Variants in LINGO2 observed in about 807,000 individuals in gnomAD.
The protein encoded by LINGO2 is leucine rich repeat and Ig domain containing 2, also known as leucine-rich repeat and immunoglobulin-like domain-containing nogo receptor-interacting protein 2.
A neutral mutation model predicts 30.6 loss-of-function variants in LINGO2; 14 were observed. That is an observed-to-expected ratio of 0.46 (90% CI 0.30 to 0.72). LINGO2 has a LOEUF of 0.72. Ranked by LOEUF, LINGO2 falls within the 30% of genes least tolerant of loss-of-function variation. The pLI is 0.07. For missense variants in LINGO2, 729 were observed against 751.7 expected (o/e 0.97, Z 0.35); for synonymous variants, 317 against 288.5 (o/e 1.10, Z -1.00).
At chr9:28,938,443 T>C in the LINGO2 span, among the ~76,000 whole-genome samples, 3 of 152,208 alleles carry the variant, frequency 2.0e-5, no homozygotes, top group Non-Finnish European at 4.4e-5. Flanking sequence ...AGTATTATAG[T>C]ATATACTACA....
chr9:28,412,102 C>G (rs1285321127), intron 2 of LINGO2, among the ~76,000 whole-genome samples: 1 of 150,642 alleles, frequency 6.6e-6, no homozygotes, highest in African/African-American at 2.4e-5. Context: ...TTCTCCCTCC[C>G]CTCTTCTGAT....
chr9:28,845,899 T>C, the LINGO2 span, among the ~76,000 whole-genome samples: 3 of 151,660 alleles, frequency 2.0e-5, no homozygotes, highest in Non-Finnish European at 4.4e-5. Context: ...TCAGAGACAA[T>C]GTCCCATTGG....
At chr9:28,674,672 A>T (rs1829150324), upstream of LINGO2, among the ~76,000 whole-genome samples, 1 of 152,190 alleles carries the variant, frequency 6.6e-6, no homozygotes, top group Non-Finnish European at 1.5e-5. Flanking sequence ...AAGGAAATGA[A>T]TCCTCTAATT....
At chr9:28,493,201 C>A (rs2135275670) in intron 1 of LINGO2, among the ~76,000 whole-genome samples, 1 of 152,160 alleles carries the variant, frequency 6.6e-6, no homozygotes, top group South Asian at 2.1e-4. Context: ...CAAAGTGTTT[C>A]TCCTTATGAG....
At chr9:28,124,670 C>T (rs1316094831) in intron 4 of LINGO2, among the ~76,000 whole-genome samples, 1 of 152,196 alleles carries the variant, frequency 6.6e-6, no homozygotes, top group Non-Finnish European at 1.5e-5. Context: ...AGAAATTCCC[C>T]ATTGGCTTCC....
At chr9:28,392,311 G>T (rs1223621596) in intron 2 of LINGO2, among the ~76,000 whole-genome samples, 1 of 152,142 alleles carries the variant, frequency 6.6e-6, no homozygotes, top group African/African-American at 2.4e-5. Context: ...GGGAAGGAAG[G>T]CTACTTGAGA....
chr9:28,420,278 T>C (rs1479965797), intron 2 of LINGO2, among the ~76,000 whole-genome samples: 1 of 152,138 alleles, frequency 6.6e-6, no homozygotes, highest in East Asian at 1.9e-4. Context: ...ACTAAGTCTC[T>C]TCTTAATTAC....
the LINGO2 span, among the ~76,000 whole-genome samples, chr9:28,698,232 T>C: frequency 6.6e-6 from 1 of 152,090 alleles, no homozygotes; most frequent in African/African-American, 2.4e-5. Context: ...CAATGGTATT[T>C]GCATCATGGC....
At chr9:28,172,182 G>C (rs972821693) in intron 4 of LINGO2, among the ~76,000 whole-genome samples, 2 of 151,110 alleles carry the variant, frequency 1.3e-5, no homozygotes, top group African/African-American at 2.4e-5. Flanking sequence ...ACGAGGTCAG[G>C]AGATCGAGAC....
intron 5 of LINGO2, among the ~76,000 whole-genome samples, chr9:27,966,497 A>T (rs1820107679): frequency 6.6e-6 from 1 of 152,058 alleles, no homozygotes. Context: ...GCTTGTTCTC[A>T]CTCATAAGTG....
chr9:28,158,109 A>T (rs1012102986), intron 4 of LINGO2, among the ~76,000 whole-genome samples: 1 of 152,192 alleles, frequency 6.6e-6, no homozygotes, highest in African/African-American at 2.4e-5. Context: ...TGCTGCTAAT[A>T]AAGACATGCC....
rs189111076 is a variant in LINGO2 at position 28,183,445 on chromosome 9, T to C, written c.-87+111763A>G. The stretch of plus-strand genomic sequence containing the variant: ...TAATTTTTTTTTAAGAAAAGAAATG[T>C]AGTTTTTATGCAGGGGTCACACAAC... On this transcript the variant is annotated intron_variant, in intron 4 of 5. Coordinates refer to ENST00000379992, the Ensembl canonical transcript of LINGO2. Among the ~76,000 whole-genome samples, 223 of 152,268 alleles carry C rather than the reference T, an allele frequency of 1.5e-3. 3 individuals are homozygous for C. The highest frequency in any genetic ancestry group is 5.2e-3 in the African/African-American group (218 of 41,572).
chr9:28,804,564 C>CAAAAAAAAAAACA, the LINGO2 span, among the ~76,000 whole-genome samples: 1 of 127,750 alleles, frequency 7.8e-6, no homozygotes, highest in African/African-American at 2.6e-5. Flanking sequence ...AAAACAAAAA[C>CAAAAAAAAAAACA]AAAAAAAAAA....
At chr9:28,757,939 C>T in the LINGO2 span, among the ~76,000 whole-genome samples, 1 of 152,050 alleles carries the variant, frequency 6.6e-6, no homozygotes, top group African/African-American at 2.4e-5. Context: ...TCAATGCTCA[C>T]AGGCTTGCCC....
chr9:28,503,254 T>G (rs891392910), intron 1 of LINGO2, among the ~76,000 whole-genome samples: 5 of 152,038 alleles, frequency 3.3e-5, no homozygotes, highest in African/African-American at 1.2e-4. Context: ...AGTATATAAA[T>G]ACATTATAAA....
At chr9:28,684,468 C>T in the LINGO2 span, among the ~76,000 whole-genome samples, 2 of 149,682 alleles carry the variant, frequency 1.3e-5, no homozygotes, top group South Asian at 2.1e-4. Flanking sequence ...GGATTACAGG[C>T]GTGAGCCACC....
At chr9:28,358,075 T>G (rs899068032) in intron 3 of LINGO2, among the ~76,000 whole-genome samples, 1 of 152,148 alleles carries the variant, frequency 6.6e-6, no homozygotes, top group South Asian at 2.1e-4. Flanking sequence ...CCATCTAGAC[T>G]ATTATAACTA....
At chr9:29,193,351 A>G in the LINGO2 span, among the ~76,000 whole-genome samples, 7 of 151,750 alleles carry the variant, frequency 4.6e-5, no homozygotes, top group East Asian at 9.7e-4. Context: ...ATGCTCACCC[A>G]CTCCATTTGT....
chr9:28,036,391 G>GTA (rs1399802333), intron 4 of LINGO2, among the ~76,000 whole-genome samples: 1 of 152,136 alleles, frequency 6.6e-6, no homozygotes, highest in African/African-American at 2.4e-5. Flanking sequence ...CACATCCAGG[G>GTA]TAAAGTTAGC....
Sources: gnomAD v4.1 joint callset for allele counts (sites outside exome capture counted in the v4.1 genomes callset) on GRCh38, gnomAD v4.1.1 for gene constraint, MANE v1.5 for transcripts, NCBI Gene and HGNC (gene_info 2026-07-23, HGNC 2026-07-21) for gene names.